Variants in PYGO1 observed in about 807,000 individuals in gnomAD.
PYGO1 encodes pygopus family PHD finger 1, also known as pygopus homolog 1.
PYGO1 carries 6 observed loss-of-function variants against 29.5 expected under a neutral mutation model. The ratio of observed to expected loss-of-function variants is 0.20; its 90% confidence interval spans 0.11 to 0.40. The LOEUF (loss-of-function observed/expected upper bound fraction) is 0.40. Ranked by LOEUF, PYGO1 falls within the 10% of genes least tolerant of loss-of-function variation. PYGO1 has a pLI of 1.00. For synonymous variants in PYGO1, 186 were observed against 180.5 expected, an observed-to-expected ratio of 1.03 and a Z score of -0.24; for missense variants, 515 against 514.9, an observed-to-expected ratio of 1.00 and a Z score of 0.00.
chr15:55,579,442 T>C (rs549856149), intron 1 of PYGO1, among the ~76,000 whole-genome samples: 1 of 152,322 alleles, frequency 6.6e-6, no homozygotes, highest in African/African-American at 2.4e-5. Context: ...AAGGTAATTC[T>C]TAAAAATAAA....
At chr15:55,549,511 T>C (rs1205851279) in intron 1 of PYGO1, among the ~76,000 whole-genome samples, 1 of 152,196 alleles carries the variant, frequency 6.6e-6, no homozygotes, top group Non-Finnish European at 1.5e-5. Context: ...TTCATTAAAC[T>C]AGTCCCCTCC....
chr15:55,552,111 T>C (rs190141095), intron 1 of PYGO1, among the ~76,000 whole-genome samples: 4 of 151,868 alleles, frequency 2.6e-5, no homozygotes, highest in African/African-American at 9.7e-5. Context: ...TCCCAACACT[T>C]TGGGAGGCCG....
chr15:55,581,825 T>TG (rs11397204), intron 1 of PYGO1, among the ~76,000 whole-genome samples: 144,694 of 152,184 alleles, frequency 0.95, 68,872 homozygotes, highest in Admixed American at 0.97. Context: ...ATGAAACCAA[T>TG]AGAGGGTTAC....
At chr15:55,547,431 C>G (rs542090513) in intron 2 of PYGO1, among the ~76,000 whole-genome samples, 58 of 152,260 alleles carry the variant, frequency 3.8e-4, no homozygotes, top group African/African-American at 1.4e-3. Context: ...AGTTAACTTT[C>G]AAAAGAAGCT....
At position 55,541,923 on chromosome 15, in the gene PYGO1, G is replaced by A. The variant is rs548749027; in HGVS notation, c.*4100C>T. ...ATTAACTAGATTATGGTCTAAATGA[G>A]CCTTTAGGAGCTTCCCTATTGTGTA... is the stretch of plus-strand genomic sequence containing the variant. On this transcript the variant is annotated 3_prime_UTR_variant, in exon 3 of 3. Transcript: ENST00000563719. 1.3e-5 allele frequency: 2 copies of A among 152,224 alleles called. No individual in the cohort carries two copies. The highest frequency in any genetic ancestry group is 1.3e-4 in the Admixed American group (2 of 15,278). 9.4% of individuals were successfully genotyped at this position (152,224 alleles called of 1,614,324 possible).
chr15:55,586,889 T>A (rs1005653129), intron 1 of PYGO1, among the ~76,000 whole-genome samples: 3 of 152,234 alleles, frequency 2.0e-5, no homozygotes, highest in Non-Finnish European at 2.9e-5. Flanking sequence ...CGATTTGACA[T>A]TCTGTATCTA....
intron 1 of PYGO1, 138 bp downstream of exon 1, chr15:55,587,697 G>T (rs1274900381): frequency 8.5e-7 from 1 of 1,173,144 alleles, no homozygotes; most frequent in Non-Finnish European, 1.1e-6. Context: ...TCGCAGCCTC[G>T]GCCCCGGGGT....
Position 55,546,067 on chromosome 15 carries a change from T to C in PYGO1, c.1216A>G (p.Thr406Ala). The C allele has an allele frequency of 1.2e-6, 2 of 1,614,098 alleles. No individual in the cohort carries two copies. The highest frequency in any genetic ancestry group is 1.7e-6 in the Non-Finnish European group (2 of 1,179,956). The change falls in exon 3 of 3, where the codon ACT becomes GCT. Residue 406 changes from threonine (T) to alanine (A), a missense_variant. Transcript: ENST00000563719. ...MADKDVQLMR[T>A]RETFGPSAVG... Reference sequence around the variant, plus strand: ...GCAGATGGACCAAAAGTTTCTCTAGTACGCATTAACTGGACATCTTTGTCA... The same window carrying C: ...GCAGATGGACCAAAAGTTTCTCTAGCACGCATTAACTGGACATCTTTGTCA...
At position 55,546,471 on chromosome 15, in the gene PYGO1, A is replaced by G. The variant is rs778829834; in HGVS notation, c.812T>C (p.Ile271Thr). Residue 271 changes from isoleucine to threonine, a missense_variant, in exon 3 of 3, where the codon ATT becomes ACT. By Grantham distance (89) the Ile-to-Thr change is moderately conservative (BLOSUM62 -1). Transcript: ENST00000563719. ...NMDDTVNQSN[I>T]ELKNVNRNNA... is the part of the protein sequence containing the mutation. ...GTTTCGATTAACATTTTTTAATTCA[A>G]TATTACTCTGATTCACTGTGTCATC... The G allele has an allele frequency of 2.0e-5, 33 of 1,614,016 alleles. No homozygotes were observed. Among genetic ancestry groups the G allele is most frequent in the Middle Eastern group, 1.6e-4 (1 of 6,084 alleles).
chr15:55,547,033 G>C lies in PYGO1; in HGVS notation c.250C>G (p.Leu84Val), dbSNP rs763893571. The change falls in exon 3 of 3, where the codon CTA (leucine) becomes GTA (valine). Residue 84 changes from leucine (L) to valine (V), a missense_variant. Leu to Val is a conservative substitution (Grantham distance 32, BLOSUM62 1). Transcript: ENST00000563719. ...DNYNTISYKP[L>V]PSSNPYLGPG... ...CCAAGATATGGATTTGACGAAGGTA[G>C]TGGTTTATAGGAAATAGTATTATAG... 3 of 1,613,828 alleles carry C rather than the reference G, an allele frequency of 1.9e-6. No homozygotes were observed. The African/African-American group carries it at 4.0e-5, about 22-fold the overall frequency.
At chr15:55,551,203 G>A (rs1344247266) in intron 1 of PYGO1, among the ~76,000 whole-genome samples, 2 of 152,188 alleles carry the variant, frequency 1.3e-5, no homozygotes, top group Non-Finnish European at 2.9e-5. Flanking sequence ...AAGACTATAG[G>A]CTTGATCAGA....
chr15:55,552,794 C>T (rs549590807), intron 1 of PYGO1, among the ~76,000 whole-genome samples: 2 of 152,262 alleles, frequency 1.3e-5, no homozygotes, highest in South Asian at 4.1e-4. Flanking sequence ...TACTCCGGCC[C>T]CAGAAGTCCC....
At chr15:55,564,801 G>A (rs2058948072) in intron 1 of PYGO1, among the ~76,000 whole-genome samples, 1 of 152,140 alleles carries the variant, frequency 6.6e-6, no homozygotes, top group African/African-American at 2.4e-5. Context: ...CAGAAATTGG[G>A]CTGCGTTCTC....
chr15:55,574,167 T>C (rs2058991663), intron 1 of PYGO1, among the ~76,000 whole-genome samples: 1 of 152,192 alleles, frequency 6.6e-6, no homozygotes, highest in South Asian at 2.1e-4. Flanking sequence ...AAAGATACTA[T>C]TTTTTACTGT....
chr15:55,582,821 C>T (rs1367067736), intron 1 of PYGO1, among the ~76,000 whole-genome samples: 2 of 152,140 alleles, frequency 1.3e-5, no homozygotes, highest in Non-Finnish European at 2.9e-5. Flanking sequence ...TCCTTTCCTT[C>T]AGACTTTCTC....
rs113706436 is a variant in PYGO1, at chr15:55,553,703, G to A, written c.50-4708C>T. 6.4e-4 allele frequency among the ~76,000 whole-genome samples: 97 copies of A among 152,152 alleles called. 1 individual carries two copies. The highest frequency in any genetic ancestry group is 2.1e-3 in the African/African-American group (89 of 41,512). On this transcript the variant is annotated intron_variant, in intron 1 of 2. Transcript: ENST00000563719. ...TGGGATTACAGGTGTGAGCCAACGC[G>A]CCCAGCCTCTAGACAGTGGTGAAAC...
At chr15:55,584,106 CTTTTT>C (rs61436067) in intron 1 of PYGO1, among the ~76,000 whole-genome samples, 11 of 123,130 alleles carry the variant, frequency 8.9e-5, no homozygotes, top group Non-Finnish European at 8.5e-5. Context: ...GGTGTCATAC[CTTTTT>C]TTTTTTTTTT....
At position 55,561,904 on chromosome 15, in the gene PYGO1, G is replaced by C. The variant is rs567272750; in HGVS notation, c.50-12909C>G. Among the ~76,000 whole-genome samples, 35 of 152,252 alleles carry C rather than the reference G, an allele frequency of 2.3e-4. 1 individual carries two copies. Among genetic ancestry groups the C allele is most frequent in the Admixed American group, 7.2e-4 (11 of 15,290 alleles). Reference sequence around the variant, plus strand: ...TGCACAGCAAAAGAAACTATCATCAGAGTGAACAGACAACCTACAGAATAA... The same window carrying C: ...TGCACAGCAAAAGAAACTATCATCACAGTGAACAGACAACCTACAGAATAA... On this transcript the variant is annotated intron_variant, in intron 1 of 2. Coordinates refer to ENST00000563719, the MANE Select transcript of PYGO1 (RefSeq NM_001367806.1).
At chr15:55,578,037 T>C (rs2059010559) in intron 1 of PYGO1, among the ~76,000 whole-genome samples, 1 of 152,136 alleles carries the variant, frequency 6.6e-6, no homozygotes, top group East Asian at 1.9e-4. Flanking sequence ...AACCTTAATC[T>C]ACCTTCTATT....
Sources: gnomAD v4.1 joint callset for allele counts (sites outside exome capture counted in the v4.1 genomes callset) on GRCh38, gnomAD v4.1.1 for gene constraint, MANE v1.5 for transcripts, NCBI Gene and HGNC (gene_info 2026-07-23, HGNC 2026-07-21) for gene names.